The following RBMS3 variants were observed in gnomAD, a reference collection of about 807,000 sequenced individuals.
RBMS3 encodes the protein RNA-binding motif, single-stranded-interacting protein 3.
In RBMS3, 27 loss-of-function variants were observed where a neutral mutation model predicts 66.8. That is an observed-to-expected ratio of 0.40 (90% CI 0.30 to 0.56). The LOEUF (loss-of-function observed/expected upper bound fraction) is 0.56, where lower values mean the gene tolerates loss of function less well. Ranked by LOEUF, RBMS3 falls within the 20% of genes least tolerant of loss-of-function variation. The pLI, the probability that RBMS3 is intolerant of heterozygous loss-of-function variation, is 0.40. For synonymous variants in RBMS3, 188 were observed against 183.0 expected, an observed-to-expected ratio of 1.03 and a Z score of -0.22; for missense variants, 513 against 549.5, an observed-to-expected ratio of 0.93 and a Z score of 0.66.
chr3:29,313,232 T>A (rs981667978), intron 1 of RBMS3, among the ~76,000 whole-genome samples: 1 of 151,798 alleles, frequency 6.6e-6, no homozygotes, highest in Non-Finnish European at 1.5e-5. Context: ...TTTCATTTCT[T>A]TGTTGAAACA....
chr3:29,492,329 A>G (rs1212332091), intron 3 of RBMS3, among the ~76,000 whole-genome samples: 2 of 152,236 alleles, frequency 1.3e-5, no homozygotes, highest in Admixed American at 1.3e-4. Flanking sequence ...ATGAGAAGAT[A>G]TGATTAGAAA....
At chr3:29,578,758 C>G (rs79739918) in intron 3 of RBMS3, among the ~76,000 whole-genome samples, 10,189 of 138,262 alleles carry the variant, frequency 0.074, 454 homozygotes, top group African/African-American at 0.13. Context: ...TACAGTATGA[C>G]AAAAACAAAG....
chr3:29,518,299 C>A (rs929027749), intron 3 of RBMS3, among the ~76,000 whole-genome samples: 1 of 152,158 alleles, frequency 6.6e-6, no homozygotes, highest in East Asian at 1.9e-4. Flanking sequence ...AAATTAATGT[C>A]TTTTGGAAAC....
intron 1 of RBMS3, among the ~76,000 whole-genome samples, chr3:29,405,614 T>C (rs2125674356): frequency 6.6e-6 from 1 of 152,254 alleles, no homozygotes; most frequent in South Asian, 2.1e-4. Flanking sequence ...ATCAGGTGAA[T>C]GGGTCACACA....
intron 3 of RBMS3, among the ~76,000 whole-genome samples, chr3:29,529,940 CAG>C (rs1439007601): frequency 6.6e-6 from 1 of 152,072 alleles, no homozygotes; most frequent in African/African-American, 2.4e-5. Context: ...ACAGGATAGA[CAG>C]AGAATTGATT....
chr3:29,765,115 A>G (rs953367418), intron 6 of RBMS3, among the ~76,000 whole-genome samples: 2 of 152,064 alleles, frequency 1.3e-5, no homozygotes, highest in African/African-American at 2.4e-5. Flanking sequence ...AATCTTTGAT[A>G]CTTAAATTAG....
intron 1 of RBMS3, among the ~76,000 whole-genome samples, chr3:29,326,595 T>A (rs1202952300): frequency 1.3e-5 from 2 of 151,810 alleles, no homozygotes; most frequent in African/African-American, 4.8e-5. Flanking sequence ...CCTCACTACC[T>A]TCTGAGTGAT....
intron 4 of RBMS3, among the ~76,000 whole-genome samples, chr3:29,640,274 ACACACACACACC>A (rs1229565517): frequency 5.3e-5 from 8 of 150,602 alleles, no homozygotes; most frequent in African/African-American, 1.9e-4. Context: ...ACACACACAC[ACACACACACACC>A]CACACACACA....
At chr3:29,715,561 A>G (rs566901236) in intron 4 of RBMS3, among the ~76,000 whole-genome samples, 30 of 152,214 alleles carry the variant, frequency 2.0e-4, no homozygotes, top group Middle Eastern at 3.4e-3. Context: ...GTGACTAAGC[A>G]TTTAAGAGTG....
chr3:29,913,902 A>G (rs1366492900), intron 10 of RBMS3, among the ~76,000 whole-genome samples: 3 of 151,970 alleles, frequency 2.0e-5, no homozygotes, highest in Non-Finnish European at 4.4e-5. Context: ...AGATTCTGAT[A>G]TCACACTCCA....
At chr3:29,922,725 A>G (rs1313965255) in intron 10 of RBMS3, among the ~76,000 whole-genome samples, 1 of 152,204 alleles carries the variant, frequency 6.6e-6, no homozygotes, top group Non-Finnish European at 1.5e-5. Context: ...ATCAATTTCA[A>G]GCCAGCTAAG....
intron 1 of RBMS3, among the ~76,000 whole-genome samples, chr3:29,365,142 G>A (rs554290152): frequency 1.3e-5 from 2 of 152,168 alleles, no homozygotes; most frequent in South Asian, 2.1e-4. Context: ...ATTTATATGT[G>A]TGGAAATTAT....
At chr3:29,896,388 A>G (rs1481770388) in intron 8 of RBMS3, among the ~76,000 whole-genome samples, 1 of 151,472 alleles carries the variant, frequency 6.6e-6, no homozygotes, top group Non-Finnish European at 1.5e-5. Context: ...AAAACATAGT[A>G]ATTGAGTTTT....
At chr3:29,668,884 CTG>C (rs760984507) in intron 4 of RBMS3, among the ~76,000 whole-genome samples, 1 of 152,186 alleles carries the variant, frequency 6.6e-6, no homozygotes, top group Non-Finnish European at 1.5e-5. Context: ...AAAGGCAAAA[CTG>C]TGTGGAAACT....
chr3:29,461,053 T>C (rs2042352196), intron 2 of RBMS3, among the ~76,000 whole-genome samples: 1 of 152,234 alleles, frequency 6.6e-6, no homozygotes, highest in African/African-American at 2.4e-5. Context: ...AAAATGTCAA[T>C]GCAAAATAGT....
intron 4 of RBMS3, among the ~76,000 whole-genome samples, chr3:29,661,900 G>T (rs2149230643): frequency 6.6e-6 from 1 of 152,260 alleles, no homozygotes; most frequent in Non-Finnish European, 1.5e-5. Flanking sequence ...AGCTCCCAGA[G>T]CCTGGAAACC....
intron 4 of RBMS3, among the ~76,000 whole-genome samples, chr3:29,692,827 A>G (rs552597184): frequency 7.0e-4 from 106 of 152,330 alleles, no homozygotes; most frequent in African/African-American, 2.4e-3. Flanking sequence ...TATAAATTAT[A>G]TATATAATCA....
chr3:29,389,497 TA>T (rs1193439115), intron 1 of RBMS3, among the ~76,000 whole-genome samples: 4 of 152,170 alleles, frequency 2.6e-5, no homozygotes, highest in African/African-American at 9.7e-5. Flanking sequence ...GCATAATTTT[TA>T]TGTGAACTGG....
chr3:29,778,497 C>T (rs541420983), intron 6 of RBMS3, among the ~76,000 whole-genome samples: 27 of 150,800 alleles, frequency 1.8e-4, no homozygotes, highest in Non-Finnish European at 3.1e-4. Context: ...TAGTATTTTA[C>T]AGATTTTTAA....
Sources: allele counts gnomAD v4.1 joint callset (sites outside exome capture counted in the v4.1 genomes callset), GRCh38; gene constraint gnomAD v4.1.1; transcripts MANE v1.5; gene names NCBI Gene and HGNC (gene_info 2026-07-23, HGNC 2026-07-21).